Variants in ZNF184 observed in about 807,000 individuals in gnomAD.
ZNF184 encodes zinc finger protein 184 (Kruppel-like).
A neutral mutation model predicts 54.4 loss-of-function variants in ZNF184; 16 were observed. That is an observed-to-expected ratio of 0.29 (90% confidence interval 0.20 to 0.45). The LOEUF (loss-of-function observed/expected upper bound fraction) is 0.45, where lower values mean the gene tolerates loss of function less well. Ranked by LOEUF, ZNF184 falls within the 20% of genes least tolerant of loss-of-function variation. The pLI is 1.00. For missense variants in ZNF184, 681 were observed against 888.2 expected (o/e 0.77, Z 2.97); for synonymous variants, 254 against 295.3 (o/e 0.86, Z 1.43).
At position 27,451,970 on chromosome 6, in the gene ZNF184, T is replaced by C. The variant is rs1241557904; in HGVS notation, c.1589A>G (p.Tyr530Cys). The change falls in exon 6 of 6, where the codon TAT becomes TGT. Residue 530 changes from tyrosine (Y) to cysteine (C), a missense_variant. Coordinates refer to ENST00000683788, the MANE Select transcript of ZNF184 (RefSeq NM_001318891.2). ...HQKTHTQEKA[Y>C]ECKECGKAFI... ...AGCTTTCCCACATTCTTTACATTCATAAGCTTTCTCTTGAGTATGAGTTTT... is the reference window on the plus strand; with the variant it reads ...AGCTTTCCCACATTCTTTACATTCACAAGCTTTCTCTTGAGTATGAGTTTT... 1.9e-6 allele frequency: 3 copies of C among 1,613,680 alleles called. No homozygotes were observed. The highest frequency in any genetic ancestry group is 1.7e-5 in the Admixed American group (1 of 60,018).
the ZNF184 span, among the ~76,000 whole-genome samples, chr6:27,440,898 G>C: frequency 6.6e-6 from 1 of 152,014 alleles, no homozygotes; most frequent in African/African-American, 2.4e-5. Context: ...CCAGCTACTC[G>C]GGTGGCTGAG....
downstream of ZNF184, among the ~76,000 whole-genome samples, chr6:27,446,343 A>T (rs1264267826): frequency 1.3e-5 from 2 of 152,284 alleles, no homozygotes; most frequent in East Asian, 3.9e-4. Context: ...CCAGAGCAGC[A>T]CTCTGTGGCC....
intron 3 of ZNF184, among the ~76,000 whole-genome samples, chr6:27,464,966 G>C (rs563142871): frequency 7.2e-6 from 1 of 138,408 alleles, no homozygotes; most frequent in African/African-American, 2.8e-5. Flanking sequence ...GCAGTGAGCC[G>C]AGATCGCCCC....
the ZNF184 span, among the ~76,000 whole-genome samples, chr6:27,429,643 C>T: frequency 6.6e-6 from 1 of 152,124 alleles, no homozygotes; most frequent in Non-Finnish European, 1.5e-5. Flanking sequence ...TCCCACTGTG[C>T]CTCATTTCCT....
chr6:27,444,876 T>C, the ZNF184 span, among the ~76,000 whole-genome samples: 1 of 152,178 alleles, frequency 6.6e-6, no homozygotes, highest in Non-Finnish European at 1.5e-5. Context: ...GACTTGCATA[T>C]CCAACAGTCT....
chr6:27,469,430 C>T (rs1763218642), intron 2 of ZNF184, among the ~76,000 whole-genome samples: 1 of 152,132 alleles, frequency 6.6e-6, no homozygotes, highest in Non-Finnish European at 1.5e-5. Flanking sequence ...ATCACAAGGT[C>T]AGGAGTTAGA....
rs913705356 is a variant in ZNF184 at position 27,472,432 on chromosome 6, C to A, written c.-138G>T. On this transcript the variant is annotated splice_region_variant and 5_prime_UTR_variant, in exon 2 of 6. Coordinates refer to ENST00000683788, the MANE Select transcript of ZNF184 (RefSeq NM_001318891.2). The surrounding 1 kb of genome is among the most constrained non-coding windows in gnomAD (Gnocchi z 4.8). ...ATCTGCAACACGCTGAGGTTGTCTA[C>A]CCTAAAAGACACAGGATGGCGTCAG... is the stretch of plus-strand genomic sequence containing the variant. 4 of 1,051,222 alleles carry A rather than the reference C, an allele frequency of 3.8e-6. No homozygotes were observed. The highest frequency in any genetic ancestry group is 5.7e-6 in the Non-Finnish European group (4 of 701,986). 65.1% of individuals were successfully genotyped at this position (1,051,222 alleles called of 1,614,324 possible).
chr6:27,409,511 A>AC, the ZNF184 span, among the ~76,000 whole-genome samples: 3 of 150,320 alleles, frequency 2.0e-5, no homozygotes, highest in Admixed American at 6.6e-5. Flanking sequence ...AAAAAAAAAA[A>AC]AAAAAAAAAA....
intron 5 of ZNF184, among the ~76,000 whole-genome samples, chr6:27,454,607 GTGGCAGATCTCCAACCC>G (rs3830729): frequency 0.6 from 91,632 of 151,960 alleles, 27,740 homozygotes; most frequent in Middle Eastern, 0.75. Context: ...GTGCATGGAA[GTGGCAGATCTCCAACCC>G]TGGTTGGAGT....
the ZNF184 span, among the ~76,000 whole-genome samples, chr6:27,443,169 C>T: frequency 2.0e-5 from 3 of 152,222 alleles, no homozygotes; most frequent in East Asian, 1.9e-4. Context: ...CCTTCACCTT[C>T]GGGTTCTTCT....
the ZNF184 span, among the ~76,000 whole-genome samples, chr6:27,434,140 C>CTAAGAGTAG: frequency 6.6e-6 from 1 of 152,164 alleles, no homozygotes; most frequent in East Asian, 1.9e-4. Flanking sequence ...CCCGCCTCAG[C>CTAAGAGTAG]CTCCTGAGTA....
chr6:27,461,173 G>A (rs998523015), intron 3 of ZNF184, among the ~76,000 whole-genome samples: 5 of 151,962 alleles, frequency 3.3e-5, no homozygotes, highest in Non-Finnish European at 7.4e-5. Context: ...TTATGAATTC[G>A]GACTCCAAGA....
chr6:27,445,792 C>T (rs1250445367), downstream of ZNF184, among the ~76,000 whole-genome samples: 1 of 149,450 alleles, frequency 6.7e-6, no homozygotes, highest in Non-Finnish European at 1.5e-5. Context: ...AAATGAGGAG[C>T]AAGGTATTGG....
chr6:27,418,905 G>T, the ZNF184 span, among the ~76,000 whole-genome samples: 2 of 150,750 alleles, frequency 1.3e-5, no homozygotes, highest in East Asian at 1.9e-4. Context: ...TATTTTTTTT[G>T]GTCTCATGGT....
chr6:27,438,764 T>C, the ZNF184 span, among the ~76,000 whole-genome samples: 1 of 152,192 alleles, frequency 6.6e-6, no homozygotes, highest in Admixed American at 6.5e-5. Context: ...AATATCACCT[T>C]TTAAATATAA....
chr6:27,424,599 G>A, the ZNF184 span, among the ~76,000 whole-genome samples: 28 of 152,192 alleles, frequency 1.8e-4, no homozygotes, highest in African/African-American at 5.5e-4. Context: ...GATACAGAGT[G>A]TCGATTGGTG....
chr6:27,429,897 G>T, the ZNF184 span, among the ~76,000 whole-genome samples: 1 of 152,168 alleles, frequency 6.6e-6, no homozygotes. Context: ...GTTTTTTGTG[G>T]CACAGAGCCT....
the ZNF184 span, among the ~76,000 whole-genome samples, chr6:27,438,959 G>T: frequency 1.3e-5 from 2 of 151,954 alleles, no homozygotes; most frequent in Non-Finnish European, 2.9e-5. Context: ...GTCTTAAATG[G>T]CACATTCGCT....
chr6:27,457,169 A>G, intron 4 of ZNF184, 114 bp downstream of exon 4: 1 of 1,426,140 alleles, frequency 7.0e-7, no homozygotes, highest in Non-Finnish European at 9.5e-7. Flanking sequence ...CTTTTCAAAA[A>G]CTAGAAATTT....
Sources: gnomAD v4.1 joint callset for allele counts (sites outside exome capture counted in the v4.1 genomes callset) on GRCh38, gnomAD v4.1.1 for gene constraint, Gnocchi (gnomAD v3.1) non-coding constraint, MANE v1.5 for transcripts, NCBI Gene and HGNC (gene_info 2026-07-23, HGNC 2026-07-21) for gene names.